SPMIP1: variants seen among roughly 807,000 people sequenced by gnomAD.
SPMIP1 encodes protein SPMIP1.
chr7:128,868,798 G>A, the SPMIP1 span: 1 of 1,490,730 alleles, frequency 6.7e-7, no homozygotes, highest in African/African-American at 1.4e-5. Context: ...TGTGGGCTTA[G>A]GGGAGGGAAG....
the SPMIP1 span, chr7:128,868,973 G>GACTC: frequency 1.9e-6 from 1 of 529,962 alleles, no homozygotes; most frequent in African/African-American, 1.9e-5. Context: ...TCCCTTTGAG[G>GACTC]ACTCAGCAAT....
the SPMIP1 span, chr7:128,870,801 C>G: frequency 6.6e-6 from 1 of 152,254 alleles, no homozygotes; most frequent in Non-Finnish European, 1.5e-5. Flanking sequence ...CCAGCCTTTG[C>G]CTGATTCCTG....
the SPMIP1 span, chr7:128,870,051 C>G: frequency 6.6e-6 from 1 of 152,264 alleles, no homozygotes; most frequent in Non-Finnish European, 1.5e-5. Flanking sequence ...GCAGCCCACG[C>G]CCCCTCCCGG....
the SPMIP1 span, among the ~76,000 whole-genome samples, chr7:128,867,554 T>C: frequency 2.0e-4 from 31 of 152,168 alleles, 2 homozygotes; most frequent in Admixed American, 6.5e-4. Flanking sequence ...TCGGAGGTCA[T>C]TGGAATATAG....
chr7:128,866,732 A>C, the SPMIP1 span: 1 of 1,535,958 alleles, frequency 6.5e-7, no homozygotes, highest in Admixed American at 2.0e-5. Context: ...CACGACTTCC[A>C]GGGGCGGTAC....
the SPMIP1 span, chr7:128,870,082 C>T: frequency 6.6e-6 from 1 of 152,282 alleles, no homozygotes; most frequent in Non-Finnish European, 1.5e-5. Flanking sequence ...GCTTTGCCAC[C>T]GCCGGTGCCG....
the SPMIP1 span, chr7:128,869,061 A>G: frequency 2.4e-6 from 1 of 410,188 alleles, no homozygotes; most frequent in Non-Finnish European, 4.3e-6. Flanking sequence ...CAGTAGTTCC[A>G]GGAAGTTCTG....
chr7:128,868,895 C>G, the SPMIP1 span: 2 of 639,110 alleles, frequency 3.1e-6, no homozygotes, highest in East Asian at 2.8e-5. Context: ...TGCATTCAGG[C>G]CTTTCTGAAA....
chr7:128,871,441 C>G, the SPMIP1 span: 1 of 152,184 alleles, frequency 6.6e-6, no homozygotes, highest in Non-Finnish European at 1.5e-5. Context: ...TTAGCCTTTT[C>G]TTTGTTTCTG....
chr7:128,868,607 C>G, the SPMIP1 span: 3 of 1,107,268 alleles, frequency 2.7e-6, no homozygotes, highest in South Asian at 4.2e-5. Flanking sequence ...ACAGGGCTCC[C>G]ATGCTCTGCG....
At chr7:128,866,473 G>A in the SPMIP1 span, 2 of 1,536,070 alleles carry the variant, frequency 1.3e-6, no homozygotes, top group Admixed American at 3.9e-5. Flanking sequence ...ATATCTGAGG[G>A]AAAAGATGTT....
At chr7:128,866,363 C>T in the SPMIP1 span, 3 of 1,435,312 alleles carry the variant, frequency 2.1e-6, no homozygotes, top group African/African-American at 1.4e-5. Context: ...TTGCTGTGCT[C>T]ACCCCTCAGC....
chr7:128,869,132 A>C, the SPMIP1 span: 1 of 378,628 alleles, frequency 2.6e-6, no homozygotes. Flanking sequence ...GCCTCCTGCC[A>C]CCGCCACACC....
the SPMIP1 span, chr7:128,868,711 T>C: frequency 1.3e-6 from 2 of 1,535,892 alleles, no homozygotes; most frequent in East Asian, 2.4e-5. Context: ...ATGTGCCGCA[T>C]TGAGTCATTC....
At chr7:128,866,805 C>A in the SPMIP1 span, 12 of 1,534,630 alleles carry the variant, frequency 7.8e-6, no homozygotes, top group South Asian at 1.3e-4. Context: ...CCATCACCAC[C>A]AGCTTCACGT....
the SPMIP1 span, chr7:128,866,410 A>G: frequency 1.2e-4 from 185 of 1,513,880 alleles, no homozygotes; most frequent in Middle Eastern, 3.4e-4. Context: ...CCTGGCCACC[A>G]TGTCACGGCA....
chr7:128,868,997 T>TCA, the SPMIP1 span: 2 of 459,070 alleles, frequency 4.4e-6, no homozygotes, highest in Non-Finnish European at 7.8e-6. Flanking sequence ...CAGAGGGTGC[T>TCA]GGGAAGGGCG....
the SPMIP1 span, chr7:128,866,447 ACTT>A: frequency 2.0e-6 from 3 of 1,535,460 alleles, no homozygotes; most frequent in East Asian, 2.4e-5. Context: ...TTACGGCAGA[ACTT>A]CTGGAAGGAG....
the SPMIP1 span, among the ~76,000 whole-genome samples, chr7:128,868,184 G>C: frequency 1.3e-5 from 2 of 152,262 alleles, no homozygotes; most frequent in Admixed American, 6.5e-5. Flanking sequence ...AGACTCCTCA[G>C]CCCTGTACCC....
Sources: allele counts gnomAD v4.1 joint callset (sites outside exome capture counted in the v4.1 genomes callset), GRCh38; gene constraint gnomAD v4.1.1; transcripts MANE v1.5; gene names NCBI Gene and HGNC (gene_info 2026-07-23, HGNC 2026-07-21).